The following PIGL variants were observed in gnomAD, a reference collection of about 807,000 sequenced individuals.
PIGL encodes the protein phosphatidylinositol glycan anchor biosynthesis class L.
PIGL carries 22 observed loss-of-function variants against 31.1 expected under a neutral mutation model. The ratio of observed to expected loss-of-function variants is 0.71; its 90% confidence interval spans 0.51 to 1.01. PIGL has a LOEUF of 1.01. PIGL is among the 50% of genes least tolerant of loss of function. The pLI, the probability that PIGL is intolerant of heterozygous loss-of-function variation, is 0.00. For missense variants in PIGL, 302 were observed against 315.9 expected, an observed-to-expected ratio of 0.96 and a Z score of 0.33; for synonymous variants, 131 against 117.4, an observed-to-expected ratio of 1.12 and a Z score of -0.75.
In PIGL at chr17:16,316,740, C is replaced by T. The variant is rs2142870520; in HGVS notation, c.526+28C>T. The T allele has an allele frequency of 1.9e-6, 3 of 1,608,896 alleles. No individual in the cohort carries two copies. In the East Asian group the frequency reaches 6.7e-5, roughly 36 times the overall value. On this transcript the variant is annotated intron_variant, in intron 5 of 6. Coordinates refer to ENST00000225609, the MANE Select transcript of PIGL (RefSeq NM_004278.4). ...AAGGCTTGTTCCTTTTGCAAAGGGCCACAAGATACTGTCCCTCTGAGAAAC... is the reference window on the plus strand; with the variant it reads ...AAGGCTTGTTCCTTTTGCAAAGGGCTACAAGATACTGTCCCTCTGAGAAAC...
At chr17:16,227,525 A>G (rs560096970) in intron 1 of PIGL, among the ~76,000 whole-genome samples, 1 of 150,560 alleles carries the variant, frequency 6.6e-6, no homozygotes, top group East Asian at 1.9e-4. Flanking sequence ...GCATGTGACA[A>G]TGTTTCTTGA....
intron 3 of PIGL, among the ~76,000 whole-genome samples, chr17:16,305,852 T>C (rs1039967619): frequency 2.6e-5 from 4 of 152,206 alleles, no homozygotes; most frequent in African/African-American, 9.6e-5. Context: ...GGTGCTATCA[T>C]AGCCCACTAT....
chr17:16,241,444 C>T (rs1482812406), intron 2 of PIGL, among the ~76,000 whole-genome samples: 2 of 151,292 alleles, frequency 1.3e-5, no homozygotes, highest in Admixed American at 6.6e-5. Flanking sequence ...CAAAATTAGC[C>T]GTGTGTGGTG....
intron 2 of PIGL, among the ~76,000 whole-genome samples, chr17:16,291,506 CAAAA>C (rs71150287): frequency 4.0e-5 from 4 of 99,772 alleles, no homozygotes; most frequent in Non-Finnish European, 6.1e-5. Flanking sequence ...GACTCTGGCT[CAAAA>C]AAAAAAAAAA....
intron 2 of PIGL, among the ~76,000 whole-genome samples, chr17:16,289,301 C>T (rs1198209234): frequency 6.6e-6 from 1 of 152,218 alleles, no homozygotes; most frequent in Non-Finnish European, 1.5e-5. Flanking sequence ...AGCAGTATGT[C>T]AACAAAGGAG....
intron 3 of PIGL, among the ~76,000 whole-genome samples, chr17:16,302,315 C>T (rs535223799): frequency 1.3e-5 from 2 of 152,250 alleles, no homozygotes; most frequent in African/African-American, 4.8e-5. Context: ...GATCCATGGG[C>T]TTAGGAATAA....
At chr17:16,281,933 G>T in intron 2 of PIGL, 1 of 422,410 alleles carries the variant, frequency 2.4e-6, no homozygotes, top group Non-Finnish European at 5.2e-6. Context: ...AATGCAACCT[G>T]TAAGACCCAT....
intron 2 of PIGL, among the ~76,000 whole-genome samples, chr17:16,238,459 G>A (rs762291216): frequency 7.4e-6 from 1 of 135,268 alleles, no homozygotes; most frequent in Non-Finnish European, 1.6e-5. Context: ...TTTTTGAGAC[G>A]GGGTCTTGCT....
At chr17:16,244,047 A>G (rs952112788) in intron 2 of PIGL, among the ~76,000 whole-genome samples, 1 of 152,200 alleles carries the variant, frequency 6.6e-6, no homozygotes, top group Non-Finnish European at 1.5e-5. Flanking sequence ...GTGGGGGACT[A>G]CAAGATCAGA....
intron 2 of PIGL, among the ~76,000 whole-genome samples, chr17:16,285,510 G>C (rs778583332): frequency 6.6e-5 from 10 of 152,122 alleles, no homozygotes; most frequent in Non-Finnish European, 1.2e-4. Context: ...ACCTGAACCC[G>C]GGCGGCAGAG....
At chr17:16,276,268 A>T (rs776044100) in intron 2 of PIGL, among the ~76,000 whole-genome samples, 4 of 152,204 alleles carry the variant, frequency 2.6e-5, no homozygotes, top group Non-Finnish European at 4.4e-5. Context: ...CCAAGTTGAT[A>T]TGGGGTCACT....
At chr17:16,232,773 A>AAC (rs1001463634) in intron 1 of PIGL, among the ~76,000 whole-genome samples, 1 of 151,860 alleles carries the variant, frequency 6.6e-6, no homozygotes, top group Non-Finnish European at 1.5e-5. Context: ...TGACTTAAAA[A>AAC]AAAAAAACGC....
At chr17:16,229,134 A>G (rs1295243895) in intron 1 of PIGL, among the ~76,000 whole-genome samples, 3 of 151,928 alleles carry the variant, frequency 2.0e-5, no homozygotes, top group African/African-American at 4.8e-5. Context: ...AAAATTAGCC[A>G]GTCTGGGTGG....
At chr17:16,251,889 G>C (rs183154273) in intron 2 of PIGL, among the ~76,000 whole-genome samples, 16 of 152,024 alleles carry the variant, frequency 1.1e-4, no homozygotes, top group African/African-American at 3.6e-4. Context: ...GGAGATTAGA[G>C]ACCCTTTCCA....
At chr17:16,302,322 A>G (rs2093008269) in intron 3 of PIGL, among the ~76,000 whole-genome samples, 1 of 152,122 alleles carries the variant, frequency 6.6e-6, no homozygotes, top group Admixed American at 6.6e-5. Context: ...GGGCTTAGGA[A>G]TAATGCCTAG....
At chr17:16,241,348 G>A (rs2092722553) in intron 2 of PIGL, among the ~76,000 whole-genome samples, 1 of 151,602 alleles carries the variant, frequency 6.6e-6, no homozygotes, top group Non-Finnish European at 1.5e-5. Flanking sequence ...CAGCACTTTG[G>A]GAGGCTGAGG....
At chr17:16,266,282 G>A (rs2092842302) in intron 2 of PIGL, among the ~76,000 whole-genome samples, 1 of 151,050 alleles carries the variant, frequency 6.6e-6, no homozygotes, top group African/African-American at 2.4e-5. Context: ...TGCATGATGG[G>A]GGAGGCTAAG....
intron 4 of PIGL, 111 bp from the exon 5 acceptor site, chr17:16,316,570 C>T (rs1367123615): frequency 9.6e-7 from 1 of 1,044,120 alleles, no homozygotes; most frequent in Non-Finnish European, 1.4e-6. Context: ...CACCTGGAGA[C>T]TCACATGGAG....
At position 16,252,928 on chromosome 17, in the gene PIGL, A is replaced by C. The variant is rs545615520; in HGVS notation, c.335+18858A>C. On this transcript the variant is annotated intron_variant, in intron 2 of 6. Coordinates refer to ENST00000225609, the MANE Select transcript of PIGL (RefSeq NM_004278.4). Reference sequence around the variant, plus strand: ...AAAGAACTGTTTATGGTGAAATAAAACAAAGAAGGCTGGGCGTGGTGGCTT... The same window carrying C: ...AAAGAACTGTTTATGGTGAAATAAACCAAAGAAGGCTGGGCGTGGTGGCTT... Among the ~76,000 whole-genome samples, 8 of 152,246 alleles carry C rather than the reference A, an allele frequency of 5.3e-5. 1 individual carries two copies. The highest frequency in any genetic ancestry group is 6.8e-3 in the Middle Eastern group (2 of 294).
Sources: gnomAD v4.1 joint callset for allele counts (sites outside exome capture counted in the v4.1 genomes callset) on GRCh38, gnomAD v4.1.1 for gene constraint, MANE v1.5 for transcripts, NCBI Gene and HGNC (gene_info 2026-07-23, HGNC 2026-07-21) for gene names.